Variants in MYBBP1A observed in about 807,000 individuals in gnomAD.
MYBBP1A encodes the protein MYB binding protein 1a.
Under a neutral mutation model 136.3 loss-of-function variants are expected in MYBBP1A, and 147 were observed. The ratio of observed to expected loss-of-function variants is 1.08; its 90% CI spans 0.94 to 1.24. The LOEUF is 1.24. Ranked by LOEUF, MYBBP1A falls within the 50% of genes most tolerant of loss-of-function variation. MYBBP1A has a pLI of 0.00. For missense variants in MYBBP1A, 2,060 were observed against 1,727.4 expected (o/e 1.19, Z -3.41); for synonymous variants, 947 against 735.8 (o/e 1.29, Z -4.65).
chr17:4,541,999 G>A (rs191682504), intron 22 of MYBBP1A, 108 bp from the exon 23 acceptor site: 3 of 786,966 alleles, frequency 3.8e-6, no homozygotes, highest in African/African-American at 3.4e-5. Context: ...TGGGCAGCGT[G>A]TGAGGCTGCC....
chr17:4,548,488 C>T lies in MYBBP1A; in HGVS notation c.1556+36G>A. 6.2e-7 allele frequency: 1 copy of T among 1,613,336 alleles called. No homozygotes were observed. Among genetic ancestry groups the T allele is most frequent in the Non-Finnish European group, 8.5e-7 (1 of 1,180,018 alleles). ...GGAGCAGGCGCCCTCAAGGCCTTCC[C>T]ACCTTCGGACCTCTCCTGGGCTGCC... On this transcript the variant is annotated intron_variant, in intron 11 of 25. Coordinates refer to ENST00000254718, the MANE Select transcript of MYBBP1A (RefSeq NM_014520.4). The surrounding 1 kb of genome is among the most constrained non-coding windows in gnomAD (Gnocchi z 4.2).
Position 4,554,810 on chromosome 17 carries a change from CCCA to C in MYBBP1A, c.294+48_294+50del, listed in dbSNP as rs779697411. ...GACACCACACCCGCCCTCCTCATACCCCACCATTTTGACCTGGATGGCTGGGAC... is the reference window on the plus strand; with the variant it reads ...GACACCACACCCGCCCTCCTCATACCCCATTTTGACCTGGATGGCTGGGAC... On this transcript the variant is annotated intron_variant, in intron 2 of 25. Transcript: ENST00000254718. 1.9e-6 allele frequency: 3 copies of C among 1,568,962 alleles called. No homozygotes were observed. In the Admixed American group the frequency reaches 5.1e-5, roughly 27 times the overall value.
intron 23 of MYBBP1A, 50 bp downstream of exon 23, chr17:4,541,734 C>A (rs1003269353): frequency 1.3e-6 from 2 of 1,546,390 alleles, no homozygotes; most frequent in Non-Finnish European, 1.8e-6. Context: ...ATCGGTCTCC[C>A]GGAGAACTGA....
intron 5 of MYBBP1A, among the ~76,000 whole-genome samples, chr17:4,553,436 A>G (rs762859305): frequency 6.6e-5 from 10 of 152,264 alleles, no homozygotes; most frequent in Non-Finnish European, 1.2e-4. Flanking sequence ...GCACTGCCCA[A>G]TACGGTAGCC....
chr17:4,541,248 G>C (rs1049249111), intron 24 of MYBBP1A, among the ~76,000 whole-genome samples: 1 of 152,264 alleles, frequency 6.6e-6, no homozygotes, highest in African/African-American at 2.4e-5. Flanking sequence ...TGCAGGAGGA[G>C]GACAGGGTGG....
In MYBBP1A at chr17:4,545,102, T is replaced by C. The variant is rs72830102; in HGVS notation, c.2234A>G (p.Glu745Gly). Residue 745 changes from glutamate (E) to glycine (G), a missense_variant, in exon 17 of 26, where the codon GAG becomes GGG. By Grantham distance (98) the Glu-to-Gly change is moderately conservative (BLOSUM62 -2). Coordinates refer to ENST00000254718, the MANE Select transcript of MYBBP1A (RefSeq NM_014520.4). ...ATCCACGTCCCCGTCGCGCTCCTCC[T>C]CCTCGCTCTCCTCCCCCTCGCTCTC... Reference protein sequence around the residue: ...EEESEGEESEEEERDGDVDQG... With the variant: ...EEESEGEESEGEERDGDVDQG... 14,347 of 1,601,252 alleles carry C rather than the reference T, an allele frequency of 9.0e-3. 81 individuals carry two copies. Among genetic ancestry groups the C allele is most frequent in the Non-Finnish European group, 0.011 (13,158 of 1,174,862 alleles).
chr17:4,545,633 G>A lies in MYBBP1A; in HGVS notation c.2050C>T (p.Arg684Cys), dbSNP rs755562015. 113 of 1,599,434 alleles carry A rather than the reference G, an allele frequency of 7.1e-5. No homozygotes were observed. Among genetic ancestry groups the A allele is most frequent in the Admixed American group, 2.4e-4 (14 of 59,154 alleles). The part of the protein sequence containing the change: ...FGHICSHLTP[R>C]ALQLILDVLN... ...ACATCCAGAATTAGCTGCAGGGCAC[G>A]CGGGGTCAGGTGGGAGCAGATGTGG... The change falls in exon 15 of 26, where the codon CGT (arginine) becomes TGT (cysteine). Residue 684 changes from arginine to cysteine, a missense_variant. Transcript: ENST00000254718.
intron 13 of MYBBP1A, among the ~76,000 whole-genome samples, chr17:4,546,603 TGCTTG>T (rs1157540819): frequency 6.6e-6 from 1 of 152,208 alleles, no homozygotes; most frequent in Non-Finnish European, 1.5e-5. Flanking sequence ...ATTCCCTCCA[TGCTTG>T]GCTTGGCATG....
intron 13 of MYBBP1A, among the ~76,000 whole-genome samples, chr17:4,546,339 G>C (rs1030686037): frequency 2.6e-5 from 4 of 152,158 alleles, no homozygotes; most frequent in Non-Finnish European, 5.9e-5. Context: ...GGCTGGTCTT[G>C]AACTCCTGAC....
intron 8 of MYBBP1A, among the ~76,000 whole-genome samples, chr17:4,551,246 CAA>C (rs2144494885): frequency 6.6e-6 from 1 of 152,370 alleles, no homozygotes; most frequent in Non-Finnish European, 1.5e-5. Context: ...TGAGAACAGT[CAA>C]CCCAGCAGCA....
intron 13 of MYBBP1A, among the ~76,000 whole-genome samples, chr17:4,547,073 G>A (rs975058721): frequency 6.6e-6 from 1 of 152,054 alleles, no homozygotes; most frequent in Non-Finnish European, 1.5e-5. Context: ...CACCACACCT[G>A]GCTAATTTTT....
At chr17:4,541,222 C>A (rs977716499) in intron 24 of MYBBP1A, among the ~76,000 whole-genome samples, 2 of 152,380 alleles carry the variant, frequency 1.3e-5, no homozygotes, top group Admixed American at 1.3e-4. Flanking sequence ...CCACCCCACC[C>A]CCTCTCACCC....
rs147238024 is a variant in MYBBP1A, at chr17:4,543,030, G to C, written c.2775C>G (p.Asn925Lys). Residue 925 changes from asparagine (N) to lysine (K), a missense_variant, in exon 20 of 26, where the codon AAC becomes AAG. Physicochemically the swap from Asn to Lys is moderately conservative, Grantham distance 94 (BLOSUM62 0). Coordinates refer to ENST00000254718, the MANE Select transcript of MYBBP1A (RefSeq NM_014520.4). ...AGACCCGGAGCAGGTAGAGAGAGGC[G>C]TTGAAGTGGTAGAGGGCGGTGGGGG... ...PDSPTALYHF[N>K]ASLYLLRVLK... 1.2e-6 allele frequency: 2 copies of C among 1,613,822 alleles called. No individual in the cohort carries two copies. Among genetic ancestry groups the C allele is most frequent in the Non-Finnish European group, 1.7e-6 (2 of 1,179,960 alleles).
At position 4,544,499 on chromosome 17, in the gene MYBBP1A, G is replaced by A. The variant is rs201061930; in HGVS notation, c.2629C>T (p.Arg877Cys). ...CACCCCCGTGCTCACGTGAAGATGC[G>A]CGCCGTCTTGTGCAGAAGGTCCTGC... ...QEQDLLHKTA[R>C]IFTHHLCRAR... Residue 877 changes from arginine to cysteine, a missense_variant, in exon 19 of 26, where the codon CGC becomes TGC. Arg to Cys is a radical substitution (Grantham distance 180, BLOSUM62 -3). Coordinates refer to ENST00000254718, the MANE Select transcript of MYBBP1A (RefSeq NM_014520.4). 674 of 1,550,068 alleles carry A rather than the reference G, an allele frequency of 4.3e-4. 3 individuals are homozygous for A. In the African/African-American group the frequency reaches 7.2e-3, roughly 16 times the overall value.
At chr17:4,542,061 G>A in intron 22 of MYBBP1A, 170 bp from the exon 23 acceptor site, 1 of 608,632 alleles carries the variant, frequency 1.6e-6, no homozygotes, top group South Asian at 2.0e-5. Context: ...TGTGCAGGTG[G>A]GGACACCAAG....
chr17:4,544,272 T>C (rs1023245403), intron 19 of MYBBP1A, among the ~76,000 whole-genome samples: 5 of 152,080 alleles, frequency 3.3e-5, no homozygotes, highest in Admixed American at 2.6e-4. Flanking sequence ...CAGGGCACTG[T>C]TGGCACTGTG....
At chr17:4,554,458 G>T (rs1907844004) in intron 2 of MYBBP1A, among the ~76,000 whole-genome samples, 180 bp from the exon 3 acceptor site, 1 of 152,048 alleles carries the variant, frequency 6.6e-6, no homozygotes, top group South Asian at 2.1e-4. Context: ...CAGCCACTGG[G>T]TCTTCTCTCC....
rs772496910 is a variant in MYBBP1A, at chr17:4,554,864, T to A, written c.291A>T (p.Ala97=). Residue 97 remains alanine (A), a synonymous_variant, in exon 2 of 26, where the codon GCA becomes GCT. Transcript: ENST00000254718. The part of the protein sequence containing the change: ...TARPCYSLAL[A]QLLQSFEDLP... ...CCTGCCAGGAGCACCACCTCACCTGTGCCAGGGCCAAACTGTAGCAGGGCC... is the reference window on the plus strand; with the variant it reads ...CCTGCCAGGAGCACCACCTCACCTGAGCCAGGGCCAAACTGTAGCAGGGCC... The A allele has an allele frequency of 3.2e-5, 51 of 1,613,292 alleles. No individual in the cohort carries two copies. The highest frequency in any genetic ancestry group is 8.3e-5 in the Admixed American group (5 of 60,000).
intron 13 of MYBBP1A, among the ~76,000 whole-genome samples, chr17:4,546,938 A>G (rs1269708914): frequency 6.0e-5 from 9 of 148,844 alleles, no homozygotes; most frequent in Admixed American, 1.3e-4. Flanking sequence ...CTAAGACAGA[A>G]TCTTGTTCTG....
Sources: allele counts gnomAD v4.1 joint callset (sites outside exome capture counted in the v4.1 genomes callset), GRCh38; gene constraint gnomAD v4.1.1; non-coding constraint Gnocchi (gnomAD v3.1); transcripts MANE v1.5; gene names NCBI Gene and HGNC (gene_info 2026-07-23, HGNC 2026-07-21).